The following ARHGAP17 variants were observed in gnomAD, a reference collection of about 807,000 sequenced individuals.
ARHGAP17 encodes rho GTPase-activating protein 17.
A neutral mutation model predicts 99.5 loss-of-function variants in ARHGAP17; 57 were observed. The ratio of observed to expected loss-of-function variants is 0.57; its 90% CI spans 0.46 to 0.71. ARHGAP17 has a LOEUF of 0.71. Among genes scored for constraint, ARHGAP17 ranks in the 30% least tolerant of loss-of-function variants. ARHGAP17 has a pLI of 0.00. For missense variants in ARHGAP17, 1,000 were observed against 1,122.4 expected (o/e 0.89, Z 1.56); for synonymous variants, 417 against 429.6 (o/e 0.97, Z 0.36).
At chr16:24,932,963 A>G (rs1410743085) in intron 18 of ARHGAP17, among the ~76,000 whole-genome samples, 4 of 152,318 alleles carry the variant, frequency 2.6e-5, no homozygotes, top group Admixed American at 2.6e-4. Context: ...TATGCACATT[A>G]TAATTTATAT....
intron 7 of ARHGAP17, among the ~76,000 whole-genome samples, chr16:24,960,565 T>G (rs902485202): frequency 2.0e-5 from 3 of 150,856 alleles, no homozygotes; most frequent in African/African-American, 7.3e-5. Flanking sequence ...CTGGGTGTGG[T>G]GGCTCACTTT....
chr16:24,971,715 A>G (rs1000222670), intron 3 of ARHGAP17, among the ~76,000 whole-genome samples: 4 of 152,216 alleles, frequency 2.6e-5, no homozygotes, highest in Non-Finnish European at 5.9e-5. Context: ...AGTTTTTGTA[A>G]TATTTTTAAA....
At chr16:25,009,443 T>C (rs2053588412) in intron 1 of ARHGAP17, among the ~76,000 whole-genome samples, 1 of 149,898 alleles carries the variant, frequency 6.7e-6, no homozygotes, top group Non-Finnish European at 1.5e-5. Flanking sequence ...GTGGAGTGGG[T>C]GAGGGATGCA....
At chr16:24,965,237 G>A (rs1377487011) in intron 6 of ARHGAP17, among the ~76,000 whole-genome samples, 5 of 152,178 alleles carry the variant, frequency 3.3e-5, no homozygotes, top group African/African-American at 7.2e-5. Context: ...TTGGGAAGCC[G>A]AGGTGGGCGG....
chr16:24,951,277 C>T (rs1186717727), intron 12 of ARHGAP17, among the ~76,000 whole-genome samples: 2 of 152,220 alleles, frequency 1.3e-5, no homozygotes, highest in East Asian at 3.8e-4. Flanking sequence ...TTACTTGCTA[C>T]TCTCCTGGCC....
At chr16:24,991,315 C>T (rs902319608) in intron 1 of ARHGAP17, among the ~76,000 whole-genome samples, 1 of 152,212 alleles carries the variant, frequency 6.6e-6, no homozygotes, top group African/African-American at 2.4e-5. Context: ...TGTTTCGTGG[C>T]ACCTAGTGAG....
At chr16:24,922,933 C>T (rs2050753411) in intron 19 of ARHGAP17, among the ~76,000 whole-genome samples, 1 of 152,042 alleles carries the variant, frequency 6.6e-6, no homozygotes, top group Non-Finnish European at 1.5e-5. Flanking sequence ...CACCTCGGCT[C>T]CCCAAAGTGC....
At chr16:24,944,135 G>A (rs546962695) in intron 14 of ARHGAP17, among the ~76,000 whole-genome samples, 2 of 152,134 alleles carry the variant, frequency 1.3e-5, no homozygotes, top group Non-Finnish European at 1.5e-5. Context: ...GCCAGGCGTG[G>A]TGGTGCGTTC....
chr16:24,923,746 A>T (rs2050773570), intron 19 of ARHGAP17, among the ~76,000 whole-genome samples: 1 of 149,126 alleles, frequency 6.7e-6, no homozygotes, highest in South Asian at 2.1e-4. Context: ...AAAAAAAAAA[A>T]AAGAGAGAAA....
chr16:24,919,869 A>T lies in ARHGAP17; in HGVS notation c.*261T>A, dbSNP rs1216690329. 8.6e-6 allele frequency: 3 copies of T among 350,136 alleles called. No individual in the cohort carries two copies. Among genetic ancestry groups the T allele is most frequent in the African/African-American group, 4.2e-5 (2 of 48,060 alleles). 21.7% of individuals were successfully genotyped at this position (350,136 alleles called of 1,614,324 possible). A position where few individuals can be genotyped will look rare whatever the true frequency, so the allele number is the denominator to read the frequency against. ...CAGGAATACTCTCTCCACTCCAGGTACTTCTTTGTTTTGGATTTTTTTGGC... is the reference window on the plus strand; with the variant it reads ...CAGGAATACTCTCTCCACTCCAGGTTCTTCTTTGTTTTGGATTTTTTTGGC... On this transcript the variant is annotated 3_prime_UTR_variant, in exon 20 of 20. Transcript: ENST00000289968.
chr16:25,006,190 T>C (rs545017954), intron 1 of ARHGAP17, among the ~76,000 whole-genome samples: 130 of 151,762 alleles, frequency 8.6e-4, no homozygotes, highest in African/African-American at 3.0e-3. Context: ...ACAGGAAGGA[T>C]GGCCTCTGGG....
chr16:24,920,837 A>C (rs1182350066), intron 19 of ARHGAP17: 1 of 152,448 alleles, frequency 6.6e-6, no homozygotes, highest in Non-Finnish European at 1.5e-5. Flanking sequence ...GGGGAAGTTT[A>C]AACTAAAATG....
At chr16:24,994,733 C>T (rs1435034468) in intron 1 of ARHGAP17, among the ~76,000 whole-genome samples, 1 of 152,120 alleles carries the variant, frequency 6.6e-6, no homozygotes, top group African/African-American at 2.4e-5. Context: ...AAGCGATTGC[C>T]CAGGGTTTCC....
chr16:24,983,599 G>A (rs1191162600), intron 1 of ARHGAP17, among the ~76,000 whole-genome samples: 11 of 152,278 alleles, frequency 7.2e-5, no homozygotes, highest in South Asian at 4.1e-4. Flanking sequence ...GCCCAGCCTA[G>A]ATTGTTTTGA....
At chr16:24,932,468 G>A (rs1025251358) in intron 18 of ARHGAP17, among the ~76,000 whole-genome samples, 1 of 152,148 alleles carries the variant, frequency 6.6e-6, no homozygotes, top group African/African-American at 2.4e-5. Context: ...GACGCAGAAA[G>A]AGGCAGAACA....
At chr16:24,956,106 A>T (rs2141251570) in intron 9 of ARHGAP17, 1 of 152,234 alleles carries the variant, frequency 6.6e-6, no homozygotes, top group South Asian at 2.1e-4. Flanking sequence ...ACAGGCTGAA[A>T]ATGGCCACGT....
At chr16:24,940,337 TAACTG>T (rs1367641133) in intron 16 of ARHGAP17, among the ~76,000 whole-genome samples, 1 of 152,106 alleles carries the variant, frequency 6.6e-6, no homozygotes, top group African/African-American at 2.4e-5. Context: ...CACTGCCTCT[TAACTG>T]AGATGAGATG....
At chr16:24,953,326 G>A (rs1039211869) in intron 10 of ARHGAP17, among the ~76,000 whole-genome samples, 1 of 152,154 alleles carries the variant, frequency 6.6e-6, no homozygotes, top group Non-Finnish European at 1.5e-5. Flanking sequence ...CCTGTGCCCT[G>A]TAGGATGTTT....
intron 19 of ARHGAP17, among the ~76,000 whole-genome samples, chr16:24,925,262 C>T (rs1238049544): frequency 6.6e-6 from 1 of 152,158 alleles, no homozygotes; most frequent in Non-Finnish European, 1.5e-5. Context: ...GCCTATAATC[C>T]CAGCTACTTG....
Sources: allele counts gnomAD v4.1 joint callset (sites outside exome capture counted in the v4.1 genomes callset), GRCh38; gene constraint gnomAD v4.1.1; transcripts MANE v1.5; gene names NCBI Gene and HGNC (gene_info 2026-07-23, HGNC 2026-07-21).